The following PALM2AKAP2 variants were observed in gnomAD, a reference collection of about 807,000 sequenced individuals.
PALM2AKAP2 encodes the protein PALM2-AKAP2 fusion protein.
In PALM2AKAP2, 37 loss-of-function variants were observed where a neutral mutation model predicts 71.5. The observed-to-expected ratio is 0.52, with a 90% CI of 0.40 to 0.68. The LOEUF is 0.68. Ranked by LOEUF, PALM2AKAP2 falls within the 30% of genes least tolerant of loss-of-function variation. The pLI, the probability that PALM2AKAP2 is intolerant of heterozygous loss-of-function variation, is 0.00. For synonymous variants in PALM2AKAP2, 468 were observed against 478.8 expected, an observed-to-expected ratio of 0.98 and a Z score of 0.29; for missense variants, 1,224 against 1,191.8, an observed-to-expected ratio of 1.03 and a Z score of -0.40.
rs79450824 is a variant in PALM2AKAP2 at position 110,081,091 on chromosome 9, T to C, written c.156+32236T>C. On this transcript the variant is annotated intron_variant, in intron 1 of 3. Transcript: ENST00000374525. The stretch of plus-strand genomic sequence containing the variant: ...ATCCTTCCGGAGACTGAATGAAAGA[T>C]ACATATTTAAAGTGAATGCAGTAAG... Among the ~76,000 whole-genome samples, 67 of 152,342 alleles carry C rather than the reference T, an allele frequency of 4.4e-4. 1 individual carries two copies. In the East Asian group the frequency reaches 0.012, roughly 28 times the overall value.
At chr9:109,998,514 G>A (rs1832616953) in intron 6 of PALM2AKAP2, among the ~76,000 whole-genome samples, 2 of 151,512 alleles carry the variant, frequency 1.3e-5, no homozygotes, top group East Asian at 1.9e-4. Context: ...CGTGGAGGGC[G>A]CCTCACCATG....
chr9:110,039,716 C>T (rs1223403647), intron 7 of PALM2AKAP2, among the ~76,000 whole-genome samples: 1 of 152,062 alleles, frequency 6.6e-6, no homozygotes, highest in Non-Finnish European at 1.5e-5. Context: ...GCAGCAGCAG[C>T]ACCTATCTGA....
intron 1 of PALM2AKAP2, among the ~76,000 whole-genome samples, chr9:109,747,738 C>T (rs201046705): frequency 6.6e-5 from 10 of 151,976 alleles, no homozygotes; most frequent in Non-Finnish European, 1.3e-4. Flanking sequence ...GGCATGATCT[C>T]GGCTCACTGC....
chr9:110,160,208 A>G (rs1173398092), intron 3 of PALM2AKAP2, among the ~76,000 whole-genome samples: 1 of 152,230 alleles, frequency 6.6e-6, no homozygotes, highest in Non-Finnish European at 1.5e-5. Flanking sequence ...TGGGGGGTAG[A>G]GTAGGGGACT....
intron 3 of PALM2AKAP2, among the ~76,000 whole-genome samples, chr9:110,157,829 T>G (rs1836497617): frequency 6.6e-6 from 1 of 152,226 alleles, no homozygotes; most frequent in Non-Finnish European, 1.5e-5. Context: ...GCTGGCTAAG[T>G]TAAAGGATTT....
At chr9:109,827,932 T>C (rs1011912479) in intron 1 of PALM2AKAP2, among the ~76,000 whole-genome samples, 6 of 152,150 alleles carry the variant, frequency 3.9e-5, no homozygotes, top group African/African-American at 1.4e-4. Context: ...AGACCAAACA[T>C]TGTAAGAAAT....
rs1419851169 is a variant in PALM2AKAP2, at chr9:109,840,053, C to T, written c.46-27438C>T. Among the ~76,000 whole-genome samples, 3 of 152,174 alleles carry T rather than the reference C, an allele frequency of 2.0e-5. No individual in the cohort carries two copies. In the East Asian group the frequency reaches 5.8e-4, roughly 29 times the overall value. ...TGGAACCAAAAAAGAGCCCGCATTGCCAAGTCAATCTTAAGCCAAAAGAAC... is the reference window on the plus strand; with the variant it reads ...TGGAACCAAAAAAGAGCCCGCATTGTCAAGTCAATCTTAAGCCAAAAGAAC... On this transcript the variant is annotated intron_variant, in intron 1 of 9. Transcript: ENST00000302798.
intron 1 of PALM2AKAP2, among the ~76,000 whole-genome samples, chr9:109,858,479 G>T (rs1378215158): frequency 1.3e-5 from 2 of 152,128 alleles, no homozygotes; most frequent in Non-Finnish European, 2.9e-5. Flanking sequence ...CATTTCACAG[G>T]CTGGGGATCC....
chr9:109,948,137 G>C (rs1252317051), intron 6 of PALM2AKAP2, among the ~76,000 whole-genome samples: 2 of 152,166 alleles, frequency 1.3e-5, no homozygotes. Flanking sequence ...TAGGGAAAAA[G>C]AAAAGTCGTT....
At chr9:109,768,980 A>G (rs1269827045) in intron 1 of PALM2AKAP2, among the ~76,000 whole-genome samples, 1 of 152,138 alleles carries the variant, frequency 6.6e-6, no homozygotes, top group Admixed American at 6.5e-5. Context: ...ATATAAAAAC[A>G]ACTTAAGTTC....
At chr9:110,084,536 C>T (rs553817737) in intron 1 of PALM2AKAP2, among the ~76,000 whole-genome samples, 1 of 152,242 alleles carries the variant, frequency 6.6e-6, no homozygotes, top group Non-Finnish European at 1.5e-5. Context: ...TCCTCAGATA[C>T]CCAAATCTAC....
chr9:110,048,756 C>A, exon 1 of PALM2AKAP2: 2 of 1,537,848 alleles, frequency 1.3e-6, no homozygotes, highest in East Asian at 2.4e-5. Flanking sequence ...CTCCTGGACC[C>A]CCGGAGTCTC....
At chr9:109,762,613 G>C (rs556291365) in intron 1 of PALM2AKAP2, among the ~76,000 whole-genome samples, 1 of 152,316 alleles carries the variant, frequency 6.6e-6, no homozygotes, top group East Asian at 1.9e-4. Flanking sequence ...CAGCCTTTGT[G>C]CTTTGTCATT....
Position 110,168,385 on chromosome 9 carries a change from C to T in PALM2AKAP2, c.2749-14C>T, listed in dbSNP as rs1439134481. 6.2e-7 allele frequency: 1 copy of T among 1,609,562 alleles called. No individual in the cohort carries two copies. The highest frequency in any genetic ancestry group is 1.1e-5 in the South Asian group (1 of 89,972). On this transcript the variant is annotated splice_polypyrimidine_tract_variant and intron_variant, in intron 3 of 3. Transcript: ENST00000374525. The stretch of plus-strand genomic sequence containing the variant: ...TCCATGAACTCTGCATAATTTTTTC[C>T]CCTCTCTTTACAGGTCCTCGAGGCC...
exon 4 of PALM2AKAP2, chr9:110,172,080 G>A (rs1056066952): frequency 1.3e-5 from 2 of 152,356 alleles, no homozygotes; most frequent in Non-Finnish European, 2.9e-5. Context: ...AGTGTAACAA[G>A]GAACACTAAA....
upstream of PALM2AKAP2, among the ~76,000 whole-genome samples, chr9:109,775,725 A>C (rs1829340322): frequency 6.6e-6 from 1 of 152,210 alleles, no homozygotes; most frequent in Non-Finnish European, 1.5e-5. Flanking sequence ...GCTCAACAAG[A>C]CTGACTTTTA....
At chr9:109,905,942 T>A (rs1194691995) in intron 3 of PALM2AKAP2, among the ~76,000 whole-genome samples, 1 of 152,130 alleles carries the variant, frequency 6.6e-6, no homozygotes, top group Admixed American at 6.5e-5. Flanking sequence ...CTGGGAAACA[T>A]AGCGAAACCC....
At chr9:109,670,897 G>T (rs987766920) in intron 1 of PALM2AKAP2, among the ~76,000 whole-genome samples, 21 of 151,996 alleles carry the variant, frequency 1.4e-4, no homozygotes, top group African/African-American at 5.1e-4. Context: ...TCATATAATT[G>T]TTGGCCACAT....
intron 1 of PALM2AKAP2, among the ~76,000 whole-genome samples, chr9:109,825,452 G>A (rs982539086): frequency 6.6e-6 from 1 of 152,176 alleles, no homozygotes; most frequent in Non-Finnish European, 1.5e-5. Context: ...GAAAATTTTT[G>A]CAGCCTACTC....
Sources: gnomAD v4.1 joint callset for allele counts (sites outside exome capture counted in the v4.1 genomes callset) on GRCh38, gnomAD v4.1.1 for gene constraint, MANE v1.5 for transcripts, NCBI Gene and HGNC (gene_info 2026-07-23, HGNC 2026-07-21) for gene names.